PCDHA10: variants seen among roughly 807,000 people sequenced by gnomAD.
The protein encoded by PCDHA10 is protocadherin alpha-10.
In PCDHA10, 45 loss-of-function variants were observed where a neutral mutation model predicts 61.2. That is an observed-to-expected ratio of 0.74 (90% confidence interval 0.58 to 0.94). PCDHA10 has a LOEUF of 0.94. PCDHA10 is among the 40% of genes least tolerant of loss of function. The pLI, the probability that PCDHA10 is intolerant of heterozygous loss-of-function variation, is 0.00. For synonymous variants in PCDHA10, 602 were observed against 548.8 expected (o/e 1.10, Z -1.35); for missense variants, 1,278 against 1,236.2 (o/e 1.03, Z -0.51).
chr5:140,879,184 T>C (rs1368886985), intron 1 of PCDHA10, among the ~76,000 whole-genome samples: 1 of 152,136 alleles, frequency 6.6e-6, no homozygotes, highest in Admixed American at 6.5e-5. Flanking sequence ...TATCAAGTAA[T>C]GGAGACTTAA....
Position 140,857,033 on chromosome 5 carries a change from A to C in PCDHA10, c.985A>C (p.Met329Leu). The change falls in exon 1 of 4, where the codon ATG becomes CTG. Residue 329 changes from methionine (M) to leucine (L), a missense_variant. By Grantham distance (15) the Met-to-Leu change is conservative. Coordinates refer to ENST00000307360, the MANE Select transcript of PCDHA10 (RefSeq NM_018901.4). ...TGTTACAGATAAGGGAAACCCACCT[A>C]TGGTTGGTCACTGCACGGTCCTAGT... ...VDVTDKGNPP[M>L]VGHCTVLVEL... is the part of the protein sequence containing the mutation. The C allele has an allele frequency of 1.3e-6, 2 of 1,595,572 alleles. No individual in the cohort carries two copies. The highest frequency in any genetic ancestry group is 8.6e-7 in the Non-Finnish European group (1 of 1,165,304).
At chr5:140,884,820 T>A (rs1318105542) in intron 1 of PCDHA10, 2 of 1,013,184 alleles carry the variant, frequency 2.0e-6, no homozygotes, top group Non-Finnish European at 2.8e-6. Context: ...GTGGACATTA[T>A]GTGTTGGATT....
chr5:140,969,205 C>G (rs1046509500), intron 1 of PCDHA10: 6 of 1,614,130 alleles, frequency 3.7e-6, no homozygotes, highest in East Asian at 2.2e-5. Context: ...ATACAGGGGC[C>G]CAGACAGGAC....
chr5:140,957,968 T>C (rs1276763203), intron 1 of PCDHA10, among the ~76,000 whole-genome samples: 1 of 152,154 alleles, frequency 6.6e-6, no homozygotes, highest in Non-Finnish European at 1.5e-5. Flanking sequence ...TCAGAGATGC[T>C]GTATAAATAG....
intron 3 of PCDHA10, among the ~76,000 whole-genome samples, chr5:141,004,093 C>T (rs1016954345): frequency 1.3e-5 from 2 of 152,164 alleles, no homozygotes; most frequent in African/African-American, 4.8e-5. Flanking sequence ...GTGCTTCTTC[C>T]GTTTTCATCT....
chr5:140,870,592 C>A (rs202164332), intron 1 of PCDHA10: 2 of 1,613,554 alleles, frequency 1.2e-6, no homozygotes, highest in African/African-American at 1.3e-5. Context: ...GGTGGAGCGG[C>A]GGTTGGGCGA....
rs782251882 is a variant in PCDHA10 at position 140,869,140 on chromosome 5, C to T, written c.2388+10704C>T. 4 of 1,613,188 alleles carry T rather than the reference C, an allele frequency of 2.5e-6. No homozygotes were observed. In the South Asian group the frequency reaches 3.3e-5, roughly 13 times the overall value. On this transcript the variant is annotated intron_variant, in intron 1 of 3. Coordinates refer to ENST00000307360, the MANE Select transcript of PCDHA10 (RefSeq NM_018901.4). ...TCAGAGAAGGGGATTGGGCACCCCA[C>T]GACTACAGCTCTGGCTTCTCCTCCT...
In PCDHA10 at chr5:140,952,330, C is replaced by A. The variant is rs564242872; in HGVS notation, c.2389-26619C>A. On this transcript the variant is annotated intron_variant, in intron 1 of 3. Transcript: ENST00000307360. ...TCCAGCCTGGGCAACAAGAGTGAAACTCCATCTCAAAAAAAAAAAAAAAAG... is the reference window on the plus strand; with the variant it reads ...TCCAGCCTGGGCAACAAGAGTGAAAATCCATCTCAAAAAAAAAAAAAAAAG... Among the ~76,000 whole-genome samples the A allele has an allele frequency of 2.2e-4, 26 of 120,342 alleles. No individual in the cohort carries two copies. The South Asian group carries it at 3.3e-3, about 15-fold the overall frequency. The allele number at this position is 120,342 out of a possible 152,430, so 78.9% of individuals were successfully genotyped here. A position where few individuals can be genotyped will look rare whatever the true frequency, so the allele number is the denominator to read the frequency against.
intron 1 of PCDHA10, chr5:140,966,877 T>A (rs782616985): frequency 6.3e-7 from 1 of 1,586,572 alleles, no homozygotes; most frequent in Admixed American, 1.8e-5. Context: ...TGCTGCTACC[T>A]GGCCCTGCGG....
rs782577579 is a variant in PCDHA10, at chr5:140,978,981, T to G, written c.2421T>G (p.Ser807=). The G allele has an allele frequency of 1.4e-5, 22 of 1,614,096 alleles. No individual in the cohort carries two copies. Among genetic ancestry groups the G allele is most frequent in the Non-Finnish European group, 1.8e-5 (21 of 1,180,040 alleles). The change falls in exon 2 of 4, where the codon TCT becomes TCG. Residue 807 remains serine (S), a synonymous_variant. Transcript: ENST00000307360. ...PRQPNPDWRY[S]ASLRAGMHSS... ...AGCCCAACCCTGACTGGCGTTACTC[T>G]GCCTCCCTGAGAGCAGGCATGCACA... is the stretch of plus-strand genomic sequence containing the variant.
At chr5:140,930,168 C>T (rs2086634095) in intron 1 of PCDHA10, 1 of 152,048 alleles carries the variant, frequency 6.6e-6, no homozygotes, top group Non-Finnish European at 1.5e-5. Context: ...TAATATTTTA[C>T]AAAGAGGAAA....
intron 1 of PCDHA10, chr5:140,867,710 G>A (rs2050114623): frequency 6.6e-6 from 1 of 151,674 alleles, no homozygotes; most frequent in Non-Finnish European, 1.5e-5. Context: ...AAATCCTAAG[G>A]GTATATGAAA....
At chr5:141,008,502 G>A (rs539439181) in intron 3 of PCDHA10, among the ~76,000 whole-genome samples, 2 of 152,110 alleles carry the variant, frequency 1.3e-5, no homozygotes, top group South Asian at 4.2e-4. Context: ...TATACTTTAT[G>A]GTGTGTCTTC....
chr5:140,983,039 A>C (rs1554245052), intron 3 of PCDHA10, among the ~76,000 whole-genome samples: 1 of 152,036 alleles, frequency 6.6e-6, no homozygotes, highest in Non-Finnish European at 1.5e-5. Flanking sequence ...TTTCTCATGG[A>C]AGTGGAAAAT....
At chr5:140,967,555 C>G (rs782586326) in intron 1 of PCDHA10, 3 of 1,614,008 alleles carry the variant, frequency 1.9e-6, no homozygotes, top group Non-Finnish European at 2.5e-6. Context: ...CCACTTATCG[C>G]GTCCAGCTAC....
rs181372488 is a variant in PCDHA10, at chr5:140,858,049, G to C, written c.2001G>C (p.Ser667=). ...CGGCCACGGCCACTGTGCTTGTGTC[G>C]CTTGTGGAGGGCAGCCAGGCACCCA... ...SLTATATVLV[S]LVEGSQAPKA... Residue 667 remains serine (S), a synonymous_variant, in exon 1 of 4, where the codon TCG becomes TCC. Transcript: ENST00000307360. 6.3e-7 allele frequency: 1 copy of C among 1,597,448 alleles called. No homozygotes were observed.
At chr5:140,877,959 T>C in intron 1 of PCDHA10, 2 of 1,325,332 alleles carry the variant, frequency 1.5e-6, no homozygotes, top group South Asian at 3.5e-5. Flanking sequence ...ATGTCTCATC[T>C]TTCTTGGTCA....
At position 140,997,506 on chromosome 5, in the gene PCDHA10, T is replaced by A. The variant is rs147089901; in HGVS notation, c.2537-12121T>A. On this transcript the variant is annotated intron_variant, in intron 3 of 3. Coordinates refer to ENST00000307360, the MANE Select transcript of PCDHA10 (RefSeq NM_018901.4). ...AAGTATTTGTGTATCTCAACATACC[T>A]AAACGCAGAAAAAGTACAATAAAAA... Among the ~76,000 whole-genome samples the A allele has an allele frequency of 4.4e-3, 665 of 152,304 alleles. 5 individuals are homozygous for A. Among genetic ancestry groups the A allele is most frequent in the African/African-American group, 0.015 (619 of 41,574 alleles).
intron 1 of PCDHA10, chr5:140,884,752 A>G (rs954313403): frequency 1.1e-5 from 16 of 1,429,736 alleles, no homozygotes; most frequent in East Asian, 2.5e-5. Context: ...CCAATTTCAA[A>G]TTATTCTTTA....
Sources: allele counts gnomAD v4.1 joint callset (sites outside exome capture counted in the v4.1 genomes callset), GRCh38; gene constraint gnomAD v4.1.1; transcripts MANE v1.5; gene names NCBI Gene and HGNC (gene_info 2026-07-23, HGNC 2026-07-21).